Variants in DNAH2 observed in about 807,000 individuals in gnomAD.
DNAH2 encodes dynein axonemal heavy chain 2, also known as axonemal beta dynein heavy chain 2.
DNAH2 carries 323 observed loss-of-function variants against 523.5 expected under a neutral mutation model. The observed-to-expected ratio is 0.62, with a 90% CI of 0.56 to 0.68. The LOEUF (loss-of-function observed/expected upper bound fraction) is 0.68. Ranked by LOEUF, DNAH2 falls within the 30% of genes least tolerant of loss-of-function variation. The pLI is 0.00. For missense variants in DNAH2, 4,907 were observed against 5,701.5 expected (o/e 0.86, Z 4.49); for synonymous variants, 2,093 against 2,177.4 (o/e 0.96, Z 1.08).
intron 12 of DNAH2, among the ~76,000 whole-genome samples, chr17:7,745,793 C>CAAAAAAAAAAA (rs5819164): frequency 1.2e-4 from 15 of 123,764 alleles, no homozygotes; most frequent in South Asian, 2.5e-4. Flanking sequence ...CTGTCTCAAA[C>CAAAAAAAAAAA]AAAAAAAAAA....
intron 12 of DNAH2, among the ~76,000 whole-genome samples, chr17:7,753,247 A>T (rs2075739552): frequency 1.3e-5 from 2 of 152,118 alleles, no homozygotes; most frequent in African/African-American, 4.8e-5. Context: ...TGCAGAGAAG[A>T]TGATGTGCTT....
In DNAH2 at chr17:7,733,209, G is replaced by A; in HGVS notation, c.522G>A (p.Leu174=). ...RGPYIPALLR[L]LGGVFAPQIF... ...CCTATATCCCGGCCCTGCTTCGGCT[G>A]CTCGGTGGAGTCTTTGCCCCTCAGA... Residue 174 remains leucine, a synonymous_variant, in exon 5 of 86, where the codon CTG becomes CTA. Coordinates refer to ENST00000572933, the MANE Select transcript of DNAH2 (RefSeq NM_020877.5). The A allele has an allele frequency of 6.2e-7, 1 of 1,614,196 alleles. No homozygotes were observed. Among genetic ancestry groups the A allele is most frequent in the South Asian group, 1.1e-5 (1 of 91,082 alleles).
chr17:7,737,246 G>C lies in DNAH2; in HGVS notation c.1158G>C (p.Ser386=). 1.2e-6 allele frequency: 2 copies of C among 1,613,920 alleles called. No individual in the cohort carries two copies. The highest frequency in any genetic ancestry group is 2.7e-5 in the African/African-American group (2 of 75,042). ...PHYNTRERLT[S]LFRKVCDCQY... ...ACAACACTCGGGAGAGACTGACCTC[G>C]CTCTTCCGAAAGGTGTGCATATGCT... The change falls in exon 8 of 86, where the codon TCG becomes TCC. Residue 386 remains serine (S), a synonymous_variant. Transcript: ENST00000572933.
At chr17:7,795,984 G>T (rs1567713626) in intron 49 of DNAH2, among the ~76,000 whole-genome samples, 1 of 143,574 alleles carries the variant, frequency 7.0e-6, no homozygotes, top group African/African-American at 2.6e-5. Context: ...TAAATATATA[G>T]TATATATATA....
chr17:7,762,411 C>T (rs1344878515), intron 18 of DNAH2, among the ~76,000 whole-genome samples: 1 of 151,244 alleles, frequency 6.6e-6, no homozygotes, highest in East Asian at 1.9e-4. Context: ...TCTCTGCTCA[C>T]CGCAAGCTCC....
At position 7,778,593 on chromosome 17, in the gene DNAH2, T is replaced by G. The variant is rs547545614; in HGVS notation, c.5541+124T>G. The G allele has an allele frequency of 1.8e-5, 15 of 816,656 alleles. No individual in the cohort carries two copies. The East Asian group carries it at 4.1e-4, about 22-fold the overall frequency. The allele number at this position is 816,656 out of a possible 1,614,324, so 50.6% of individuals were successfully genotyped here. A position where few individuals can be genotyped will look rare whatever the true frequency, so the allele number is the denominator to read the frequency against. Reference sequence around the variant, plus strand: ...ATGACATTGCATCACATGTAATTCTTATTTATTTATTTATTTATTTTTTGG... The same window carrying G: ...ATGACATTGCATCACATGTAATTCTGATTTATTTATTTATTTATTTTTTGG... On this transcript the variant is annotated intron_variant, in intron 35 of 85. Coordinates refer to ENST00000572933, the MANE Select transcript of DNAH2 (RefSeq NM_020877.5).
chr17:7,775,164 C>G (rs1362798438), intron 29 of DNAH2, 77 bp from the exon 30 acceptor site: 2 of 1,478,354 alleles, frequency 1.4e-6, no homozygotes, highest in Admixed American at 2.0e-5. Flanking sequence ...AGTAATTATC[C>G]TCAAAAGGCC....
At position 7,734,221 on chromosome 17, in the gene DNAH2, A is replaced by G; in HGVS notation, c.667A>G (p.Ile223Val). ...YKLEGHTVLY[I>V]PAEAMNMKPE... ...ACTGGAGGGGCACACGGTCCTCTACATCCCTGCAGAGGCCATGAACATGAA... is the reference window on the plus strand; with the variant it reads ...ACTGGAGGGGCACACGGTCCTCTACGTCCCTGCAGAGGCCATGAACATGAA... The change falls in exon 6 of 86, where the codon ATC (isoleucine) becomes GTC (valine). Residue 223 changes from isoleucine (I) to valine (V), a missense_variant. Transcript: ENST00000572933. The G allele has an allele frequency of 6.2e-7, 1 of 1,605,354 alleles. No homozygotes were observed. Among genetic ancestry groups the G allele is most frequent in the African/African-American group, 1.3e-5 (1 of 74,940 alleles).
rs1379056256 is a variant in DNAH2, at chr17:7,795,531, G to A, written c.7675-933G>A. Among the ~76,000 whole-genome samples, 10 of 151,628 alleles carry A rather than the reference G, an allele frequency of 6.6e-5. 1 individual carries two copies. In the South Asian group the frequency reaches 1.2e-3, roughly 19 times the overall value. The stretch of plus-strand genomic sequence containing the variant: ...CTACAAAAAAATACAAAAATTAGCC[G>A]GGTGTGGTGGTGCACACCTGTGTTC... On this transcript the variant is annotated intron_variant, in intron 49 of 85. Transcript: ENST00000572933.
rs368601874 is a variant in DNAH2 at position 7,830,779 on chromosome 17, G to A, written c.12167G>A (p.Arg4056His). ...GGHVTDDWDR[R>H]LLTTYINDYF... ...CATGTCACAGATGACTGGGACCGGC[G>A]CCTGCTGACCACCTACATCAATGAT... The change falls in exon 79 of 86, where the codon CGC becomes CAC. Residue 4056 changes from arginine to histidine, a missense_variant. Arg to His is a conservative substitution (Grantham distance 29). Transcript: ENST00000572933. 3.1e-6 allele frequency: 5 copies of A among 1,614,122 alleles called. No individual in the cohort carries two copies. Among genetic ancestry groups the A allele is most frequent in the South Asian group, 1.1e-5 (1 of 91,080 alleles).
intron 14 of DNAH2, 102 bp from the exon 15 acceptor site, chr17:7,758,783 G>C: frequency 3.2e-6 from 5 of 1,560,198 alleles, no homozygotes; most frequent in Non-Finnish European, 4.3e-6. Flanking sequence ...GGACTTTTTT[G>C]TGTGTCATCC....
rs200066704 is a variant in DNAH2 at position 7,759,482 on chromosome 17, C to T, written c.2509C>T (p.Arg837Cys). 842 of 1,614,006 alleles carry T rather than the reference C, an allele frequency of 5.2e-4. 1 individual carries two copies. The highest frequency in any genetic ancestry group is 6.6e-4 in the Non-Finnish European group (775 of 1,180,028). ...RLDRMMEDAL[R>C]LNVKWSLLEL... is the part of the protein sequence containing the mutation. ...GGACCGCATGATGGAGGATGCCCTG[C>T]GCCTGAATGTGAAGTGGTCACTGCT... The change falls in exon 16 of 86, where the codon CGC becomes TGC. Residue 837 changes from arginine to cysteine, a missense_variant. Around this residue, in one of 3 missense-constraint regions of DNAH2, gnomAD observed 2,806 missense variants for 3,190.8 expected, o/e 0.88. Transcript: ENST00000572933.
At chr17:7,823,256 T>G (rs1597780778) in intron 73 of DNAH2, among the ~76,000 whole-genome samples, 186 bp from the exon 74 acceptor site, 2 of 145,754 alleles carry the variant, frequency 1.4e-5, no homozygotes, top group East Asian at 4.1e-4. Context: ...ATTGTGCCAT[T>G]GCACTCTGGC....
At chr17:7,774,000 G>A (rs2076385526) in intron 28 of DNAH2, among the ~76,000 whole-genome samples, 1 of 152,148 alleles carries the variant, frequency 6.6e-6, no homozygotes, top group African/African-American at 2.4e-5. Context: ...AAAGTATTGG[G>A]ATTACAGGCA....
At chr17:7,732,331 A>G (rs530036335) in intron 4 of DNAH2, among the ~76,000 whole-genome samples, 9 of 148,692 alleles carry the variant, frequency 6.1e-5, no homozygotes, top group Non-Finnish European at 1.2e-4. Context: ...GATACTCGGG[A>G]GGCTGAGGCA....
intron 12 of DNAH2, among the ~76,000 whole-genome samples, chr17:7,752,160 T>TACACACACTC (rs146035380): frequency 0.012 from 1,444 of 125,030 alleles, 29 homozygotes; most frequent in African/African-American, 0.038. Flanking sequence ...TAAGTCATTT[T>TACACACACTC]ACACACACAC....
In DNAH2 at chr17:7,742,875, CCCTGGAGGAAG is replaced by C; in HGVS notation, c.1690-52_1690-42del. On this transcript the variant is annotated intron_variant, in intron 11 of 85. Coordinates refer to ENST00000572933, the MANE Select transcript of DNAH2 (RefSeq NM_020877.5). The stretch of plus-strand genomic sequence containing the variant: ...GTGTAGGTCTCAGGGAGATGGTGGC[CCCTGGAGGAAG>C]GTGGCAGGCCGACTCCACCCACCTG... The C allele has an allele frequency of 2.2e-6, 3 of 1,337,436 alleles. No homozygotes were observed. In the African/African-American group the frequency reaches 4.6e-5, roughly 20 times the overall value. The allele number at this position is 1,337,436 out of a possible 1,614,324, so 82.8% of individuals were successfully genotyped here.
At chr17:7,819,096 C>A in intron 71 of DNAH2, 33 bp downstream of exon 71, 2 of 1,600,314 alleles carry the variant, frequency 1.2e-6, no homozygotes, top group Admixed American at 3.3e-5. Flanking sequence ...CTGCCTCCCA[C>A]CAGCCATCCA....
At chr17:7,743,627 C>A in intron 12 of DNAH2, 2 of 449,810 alleles carry the variant, frequency 4.4e-6, no homozygotes, top group Non-Finnish European at 7.9e-6. Flanking sequence ...GATCACACCA[C>A]TACACTCCAG....
Sources: allele counts gnomAD v4.1 joint callset (sites outside exome capture counted in the v4.1 genomes callset), GRCh38; gene constraint gnomAD v4.1.1; regional missense constraint gnomAD v4.1.1; transcripts MANE v1.5; gene names NCBI Gene and HGNC (gene_info 2026-07-23, HGNC 2026-07-21).